SLC35A1: variants seen among roughly 807,000 people sequenced by gnomAD.
The protein encoded by SLC35A1 is solute carrier family 35 member A1, also known as CMP-sialic acid transporter.
SLC35A1 carries 21 observed loss-of-function variants against 40.3 expected under a neutral mutation model. The observed-to-expected ratio is 0.52, with a 90% confidence interval of 0.37 to 0.75. SLC35A1 has a LOEUF of 0.75. Ranked by LOEUF, SLC35A1 falls within the 30% of genes least tolerant of loss-of-function variation. The pLI is 0.00. For missense variants in SLC35A1, 297 were observed against 382.1 expected, an observed-to-expected ratio of 0.78 and a Z score of 1.86; for synonymous variants, 146 against 147.3, an observed-to-expected ratio of 0.99 and a Z score of 0.06.
chr6:87,499,071 T>A (rs1451788665), intron 2 of SLC35A1: 1 of 940,998 alleles, frequency 1.1e-6, no homozygotes, highest in Non-Finnish European at 1.3e-6. Context: ...CTAAGAAGGA[T>A]GTCTTTTGTT....
intron 2 of SLC35A1, among the ~76,000 whole-genome samples, chr6:87,487,497 C>T (rs565745861): frequency 6.6e-6 from 1 of 152,204 alleles, no homozygotes; most frequent in South Asian, 2.1e-4. Context: ...TTTGTGTGTG[C>T]TTCAATCTAA....
chr6:87,509,325 T>G lies in SLC35A1; in HGVS notation c.886+150T>G, dbSNP rs888192545. 6.8e-6 allele frequency: 7 copies of G among 1,031,016 alleles called. No homozygotes were observed. In the African/African-American group the frequency reaches 9.4e-5, roughly 14 times the overall value. The allele number at this position is 1,031,016 out of a possible 1,614,324, so 63.9% of individuals were successfully genotyped here. ...ACAGTTTATTCCACCAGTACAGCTG[T>G]TCATAGTTGTGTGGGATGTGGCTAA... is the stretch of plus-strand genomic sequence containing the variant. On this transcript the variant is annotated intron_variant, in intron 7 of 7. Transcript: ENST00000369552.
chr6:87,490,219 C>T lies in SLC35A1; in HGVS notation c.195-10289C>T, dbSNP rs371814002. ...ACTCTAGCTTGGGGGATAAAGTGAG[C>T]TCCTGTCTCAAAAAAAAATTATAAA... On this transcript the variant is annotated intron_variant, in intron 2 of 7. Coordinates refer to ENST00000369552, the MANE Select transcript of SLC35A1 (RefSeq NM_006416.5). Among the ~76,000 whole-genome samples the T allele has an allele frequency of 5.3e-5, 8 of 151,566 alleles. No individual in the cohort carries two copies. The East Asian group carries it at 7.7e-4, about 15-fold the overall frequency.
intron 2 of SLC35A1, among the ~76,000 whole-genome samples, chr6:87,499,592 A>G (rs1271264546): frequency 7.4e-6 from 1 of 135,986 alleles, no homozygotes; most frequent in Non-Finnish European, 1.6e-5. Flanking sequence ...AACTTTATGT[A>G]CATTAGAGAT....
chr6:87,473,466 G>C (rs1490119321), intron 1 of SLC35A1, among the ~76,000 whole-genome samples: 2 of 152,258 alleles, frequency 1.3e-5, no homozygotes, highest in Admixed American at 6.5e-5. Context: ...CAGGCTCCGG[G>C]CGCAGATCCC....
intron 4 of SLC35A1, among the ~76,000 whole-genome samples, chr6:87,504,841 G>A (rs1479883294): frequency 6.6e-6 from 1 of 152,160 alleles, no homozygotes; most frequent in East Asian, 1.9e-4. Context: ...GCAGATGTTG[G>A]GATAGGTGGT....
At chr6:87,499,021 T>C (rs1414105409) in intron 2 of SLC35A1, 3 of 438,428 alleles carry the variant, frequency 6.8e-6, no homozygotes, top group Admixed American at 1.3e-4. Context: ...CTTAACACTG[T>C]GGTGTGGGTT....
At chr6:87,484,274 C>G (rs533537411) in intron 2 of SLC35A1, among the ~76,000 whole-genome samples, 2 of 152,232 alleles carry the variant, frequency 1.3e-5, no homozygotes, top group African/African-American at 4.8e-5. Context: ...AACCAGAGAC[C>G]GCCTCTGGAG....
intron 2 of SLC35A1, among the ~76,000 whole-genome samples, chr6:87,487,760 T>G (rs1769427544): frequency 6.6e-6 from 1 of 152,178 alleles, no homozygotes; most frequent in South Asian, 2.1e-4. Flanking sequence ...TTGTTTATGA[T>G]CTGAAAGCGG....
At position 87,497,546 on chromosome 6, in the gene SLC35A1, GAAAGA is replaced by G. The variant is rs145583616; in HGVS notation, c.195-2956_195-2952del. 2.3e-3 allele frequency among the ~76,000 whole-genome samples: 347 copies of G among 151,846 alleles called. 1 individual carries two copies. The highest frequency in any genetic ancestry group is 8.1e-3 in the African/African-American group (333 of 41,144). On this transcript the variant is annotated intron_variant, in intron 2 of 7. Transcript: ENST00000369552. The stretch of plus-strand genomic sequence containing the variant: ...GTGAAAAGTGAGGGAGAAGTGATAA[GAAAGA>G]AAAGAGTGGGGAGAAAAGGGACCAC...
rs1770287905 is a variant in SLC35A1 at position 87,511,855 on chromosome 6, T to C, written c.*329T>C. 2.8e-6 allele frequency: 1 copy of C among 353,538 alleles called. No homozygotes were observed. Among genetic ancestry groups the C allele is most frequent in the South Asian group, 2.4e-5 (1 of 41,176 alleles). 21.9% of individuals were successfully genotyped at this position (353,538 alleles called of 1,614,324 possible). A position where few individuals can be genotyped will look rare whatever the true frequency, so the allele number is the denominator to read the frequency against. On this transcript the variant is annotated 3_prime_UTR_variant, in exon 8 of 8. Coordinates refer to ENST00000369552, the MANE Select transcript of SLC35A1 (RefSeq NM_006416.5). ...GGCTACAATACTCAAGTAACAAGGT[T>C]TGGGACAATGTCTAAGGGTTAAAGT...
chr6:87,505,763 A>G (rs765153272), intron 4 of SLC35A1, among the ~76,000 whole-genome samples: 27 of 152,158 alleles, frequency 1.8e-4, no homozygotes, highest in Non-Finnish European at 3.5e-4. Context: ...TAATGGCATC[A>G]ATCCCTTCTT....
intron 5 of SLC35A1, among the ~76,000 whole-genome samples, chr6:87,507,593 T>C (rs1304643561): frequency 6.6e-6 from 1 of 152,150 alleles, no homozygotes; most frequent in East Asian, 1.9e-4. Context: ...AACAGACTCA[T>C]CAAAAATAAT....
Position 87,509,190 on chromosome 6 carries a change from G to C in SLC35A1, c.886+15G>C. 1 of 1,613,982 alleles carries C rather than the reference G, an allele frequency of 6.2e-7. No homozygotes were observed. The highest frequency in any genetic ancestry group is 8.5e-7 in the Non-Finnish European group (1 of 1,179,856). ...ATTACAGATAAGTATGTCTTAGTTT[G>C]TGTTGAGTTTTTAACATGGAAGAGC... On this transcript the variant is annotated intron_variant, in intron 7 of 7. Transcript: ENST00000369552.
At chr6:87,473,152 AG>A (rs1318596805) in intron 1 of SLC35A1, 133 bp downstream of exon 1, 1 of 398,424 alleles carries the variant, frequency 2.5e-6, no homozygotes, top group Admixed American at 4.4e-5. Context: ...CTGAGGCGTC[AG>A]GAGTTTGCGT....
chr6:87,501,236 T>G lies in SLC35A1; in HGVS notation c.433T>G (p.Trp145Gly), dbSNP rs1381222391. 6 of 1,614,090 alleles carry G rather than the reference T, an allele frequency of 3.7e-6. No individual in the cohort carries two copies. The Admixed American group carries it at 8.3e-5, about 22-fold the overall frequency. Residue 145 changes from tryptophan to glycine, a missense_variant, in exon 4 of 8, where the codon TGG (tryptophan) becomes GGG (glycine). Coordinates refer to ENST00000369552, the MANE Select transcript of SLC35A1 (RefSeq NM_006416.5). The stretch of plus-strand genomic sequence containing the variant: ...AAACCGGACACTCAGCAAATTACAG[T>G]GGGTTTCAGTTTTTATGCTGTGTGC... ...MLNRTLSKLQ[W>G]VSVFMLCAGV...
intron 4 of SLC35A1, among the ~76,000 whole-genome samples, chr6:87,505,866 T>C (rs983342297): frequency 1.3e-5 from 2 of 152,212 alleles, no homozygotes; most frequent in African/African-American, 2.4e-5. Context: ...TGTTTTGAAG[T>C]TGACATTCAA....
intron 1 of SLC35A1, among the ~76,000 whole-genome samples, chr6:87,474,830 G>T (rs1769021813): frequency 6.6e-6 from 1 of 152,118 alleles, no homozygotes; most frequent in South Asian, 2.1e-4. Context: ...TTATTTTCAA[G>T]AATATAATAT....
At position 87,502,006 on chromosome 6, in the gene SLC35A1, A is replaced by T. The variant is rs922687316; in HGVS notation, c.507+696A>T. Among the ~76,000 whole-genome samples, 23 of 152,304 alleles carry T rather than the reference A, an allele frequency of 1.5e-4. No individual in the cohort carries two copies. In the East Asian group the frequency reaches 3.9e-3, roughly 26 times the overall value. The stretch of plus-strand genomic sequence containing the variant: ...GTTTTGTGAAGGTCAGGAGTTTCCT[A>T]CAGTTGAATATTTACTCTAACTTTT... On this transcript the variant is annotated intron_variant, in intron 4 of 7. Transcript: ENST00000369552.
Sources: allele counts gnomAD v4.1 joint callset (sites outside exome capture counted in the v4.1 genomes callset), GRCh38; gene constraint gnomAD v4.1.1; transcripts MANE v1.5; gene names NCBI Gene and HGNC (gene_info 2026-07-23, HGNC 2026-07-21).